Variants in RYR2 observed in about 807,000 individuals in gnomAD.
RYR2 encodes ryanodine receptor 2.
RYR2 carries 227 observed loss-of-function variants against 601.1 expected under a neutral mutation model. That is an observed-to-expected ratio of 0.38 (90% CI 0.34 to 0.42). The LOEUF (loss-of-function observed/expected upper bound fraction) is 0.42. Ranked by LOEUF, RYR2 falls within the 10% of genes least tolerant of loss-of-function variation. The pLI is 1.00. For missense variants in RYR2, 4,646 were observed against 6,156.5 expected (o/e 0.75, Z 8.21); for synonymous variants, 2,223 against 2,175.1 (o/e 1.02, Z -0.61).
At chr1:237,803,509 C>A (rs537786574) in intron 98 of RYR2, among the ~76,000 whole-genome samples, 418 of 152,230 alleles carry the variant, frequency 2.7e-3, no homozygotes, top group Non-Finnish European at 4.7e-3. Context: ...ACCATGTTAG[C>A]CAGGATGGTC....
At chr1:237,198,264 AT>A (rs1045002419) in intron 1 of RYR2, among the ~76,000 whole-genome samples, 1 of 152,202 alleles carries the variant, frequency 6.6e-6, no homozygotes, top group Non-Finnish European at 1.5e-5. Flanking sequence ...CTGCAGGACT[AT>A]TTAGTTTATG....
chr1:237,275,541 G>C (rs1397844144), intron 2 of RYR2, among the ~76,000 whole-genome samples: 1 of 151,736 alleles, frequency 6.6e-6, no homozygotes. Flanking sequence ...AGACAAAGTA[G>C]TTTCATGGCC....
At chr1:237,700,168 T>G in intron 64 of RYR2, 61 bp from the exon 65 acceptor site, 2 of 1,021,848 alleles carry the variant, frequency 2.0e-6, no homozygotes, top group Non-Finnish European at 2.9e-6. Context: ...AGAACCACAA[T>G]TCATTTATAT....
At chr1:237,632,087 G>T (rs981724772) in intron 42 of RYR2, among the ~76,000 whole-genome samples, 2 of 151,038 alleles carry the variant, frequency 1.3e-5, no homozygotes, top group Non-Finnish European at 3.0e-5. Flanking sequence ...GTCTTATACT[G>T]TGTAATTTTT....
chr1:237,589,189 C>T (rs181675649), intron 29 of RYR2, among the ~76,000 whole-genome samples: 13 of 152,154 alleles, frequency 8.5e-5, no homozygotes, highest in Admixed American at 5.9e-4. Flanking sequence ...ATGTATTTTT[C>T]CCCCATGCTT....
chr1:237,178,169 C>T (rs1678267151), intron 1 of RYR2, among the ~76,000 whole-genome samples: 1 of 152,068 alleles, frequency 6.6e-6, no homozygotes, highest in Non-Finnish European at 1.5e-5. Flanking sequence ...GGGTGTTTAT[C>T]TTTCTTCTGG....
chr1:237,518,162 A>C (rs1237769792), intron 24 of RYR2, among the ~76,000 whole-genome samples: 1 of 152,148 alleles, frequency 6.6e-6, no homozygotes, highest in African/African-American at 2.4e-5. Flanking sequence ...ATGCTAACCT[A>C]GTCTAAGCTA....
At chr1:237,551,550 G>A (rs376818181) in intron 27 of RYR2, among the ~76,000 whole-genome samples, 12 of 69,638 alleles carry the variant, frequency 1.7e-4, no homozygotes, top group South Asian at 5.4e-4. Context: ...AAAAAAAAAA[G>A]AATGTAGTTT....
chr1:237,828,369 AT>A lies in RYR2; in HGVS notation c.14591-9del, dbSNP rs876657987. On this transcript the variant is annotated splice_polypyrimidine_tract_variant and intron_variant, in intron 101 of 104. Coordinates refer to ENST00000366574, the MANE Select transcript of RYR2 (RefSeq NM_001035.3). ...TTGATAAAGATTAAATTGTGTTTTTATTTAACACCAGGTCTAATTATTGATG... is the reference window on the plus strand; with the variant it reads ...TTGATAAAGATTAAATTGTGTTTTTATTAACACCAGGTCTAATTATTGATG... 87 of 1,533,544 alleles carry A rather than the reference AT, an allele frequency of 5.7e-5. No homozygotes were observed. The highest frequency in any genetic ancestry group is 7.4e-5 in the Non-Finnish European group (84 of 1,129,344). 95.0% of individuals were successfully genotyped at this position (1,533,544 alleles called of 1,614,324 possible). A position where few individuals can be genotyped will look rare whatever the true frequency, so the allele number is the denominator to read the frequency against.
At chr1:237,586,198 C>T (rs561845729) in intron 29 of RYR2, among the ~76,000 whole-genome samples, 1 of 152,164 alleles carries the variant, frequency 6.6e-6, no homozygotes, top group East Asian at 1.9e-4. Context: ...GTATATTCTT[C>T]AATCGTCAAT....
At chr1:237,453,157 A>G (rs1315010160) in intron 14 of RYR2, among the ~76,000 whole-genome samples, 1 of 152,062 alleles carries the variant, frequency 6.6e-6, no homozygotes, top group Non-Finnish European at 1.5e-5. Context: ...ATTAAATGGG[A>G]AAAATAATTT....
intron 98 of RYR2, among the ~76,000 whole-genome samples, chr1:237,802,740 C>T (rs1221492542): frequency 6.6e-6 from 1 of 152,252 alleles, no homozygotes; most frequent in African/African-American, 2.4e-5. Context: ...ACTGAAGTGG[C>T]CAGTCCATCT....
At chr1:237,679,282 G>A (rs560298061) in intron 61 of RYR2, among the ~76,000 whole-genome samples, 1 of 152,266 alleles carries the variant, frequency 6.6e-6, no homozygotes, top group South Asian at 2.1e-4. Context: ...TCTGTTTACA[G>A]ATGCTTAATG....
At chr1:237,630,070 T>C (rs1373155463) in intron 41 of RYR2, among the ~76,000 whole-genome samples, 2 of 152,144 alleles carry the variant, frequency 1.3e-5, no homozygotes, top group East Asian at 1.9e-4. Flanking sequence ...AAAGAAAGCC[T>C]TCCAGAAAAT....
intron 17 of RYR2, among the ~76,000 whole-genome samples, chr1:237,486,718 T>C (rs1452753635): frequency 6.6e-6 from 1 of 152,178 alleles, no homozygotes; most frequent in East Asian, 1.9e-4. Context: ...AAAATACGTT[T>C]CTTACTATAA....
intron 1 of RYR2, among the ~76,000 whole-genome samples, chr1:237,107,519 C>CCAAAAAAAAAAA (rs1668863108): frequency 2.6e-5 from 1 of 38,900 alleles, no homozygotes; most frequent in Non-Finnish European, 5.2e-5. Flanking sequence ...GACTCCATCT[C>CCAAAAAAAAAAA]AAAAAAAAAA....
At chr1:237,569,356 C>T (rs1370030153) in intron 29 of RYR2, 37 bp downstream of exon 29, 28 of 1,590,406 alleles carry the variant, frequency 1.8e-5, no homozygotes, top group Non-Finnish European at 2.3e-5. Context: ...TTTAAGTTTG[C>T]AGCACAAGGA....
chr1:237,227,701 A>C (rs2149172004), intron 1 of RYR2, among the ~76,000 whole-genome samples: 1 of 151,960 alleles, frequency 6.6e-6, no homozygotes, highest in East Asian at 1.9e-4. Flanking sequence ...TGTGGGTGTG[A>C]GCGTGCCCTG....
chr1:237,800,164 A>G (rs1056422109), intron 97 of RYR2: 1 of 152,218 alleles, frequency 6.6e-6, no homozygotes, highest in Non-Finnish European at 1.5e-5. Context: ...AATAACTTTT[A>G]AAATAAAATA....
Sources: allele counts gnomAD v4.1 joint callset (sites outside exome capture counted in the v4.1 genomes callset), GRCh38; gene constraint gnomAD v4.1.1; transcripts MANE v1.5; gene names NCBI Gene and HGNC (gene_info 2026-07-23, HGNC 2026-07-21).